Variants in MPDZ observed in about 807,000 individuals in gnomAD.
MPDZ encodes the protein multiple PDZ domain protein.
A neutral mutation model predicts 239.1 loss-of-function variants in MPDZ; 234 were observed. The observed-to-expected ratio is 0.98, with a 90% CI of 0.88 to 1.09. The LOEUF is 1.09. Among genes scored for constraint, MPDZ ranks in the 50% least tolerant of loss-of-function variants. The pLI, the probability that MPDZ is intolerant of heterozygous loss-of-function variation, is 0.00. For missense variants in MPDZ, 3,175 were observed against 2,510.0 expected (o/e 1.26, Z -5.66); for synonymous variants, 1,048 against 881.3 (o/e 1.19, Z -3.35).
intron 22 of MPDZ, among the ~76,000 whole-genome samples, chr9:13,167,387 A>G (rs1001687764): frequency 1.3e-5 from 2 of 152,126 alleles, no homozygotes; most frequent in African/African-American, 4.8e-5. Flanking sequence ...TACTTTTTAT[A>G]TAAGACAGCG....
At chr9:13,256,881 T>C (rs185593329) in intron 1 of MPDZ, among the ~76,000 whole-genome samples, 2 of 152,170 alleles carry the variant, frequency 1.3e-5, no homozygotes, top group East Asian at 1.9e-4. Context: ...CCATAAACCA[T>C]CAATTTATTT....
intron 34 of MPDZ, among the ~76,000 whole-genome samples, chr9:13,125,993 A>G (rs1417871509): frequency 6.6e-6 from 1 of 152,216 alleles, no homozygotes; most frequent in Non-Finnish European, 1.5e-5. Flanking sequence ...AAGAAAAAGC[A>G]TACCATATTT....
chr9:13,111,494 A>C (rs933231423), intron 43 of MPDZ, among the ~76,000 whole-genome samples: 1 of 152,148 alleles, frequency 6.6e-6, no homozygotes, highest in Non-Finnish European at 1.5e-5. Flanking sequence ...TATTCATGTA[A>C]TTTTTAGAGC....
intron 22 of MPDZ, 30 bp downstream of exon 22, chr9:13,168,335 CA>C (rs1447810688): frequency 6.3e-7 from 1 of 1,584,218 alleles, no homozygotes; most frequent in African/African-American, 1.4e-5. Context: ...CTGAATTTCC[CA>C]AGTTAAACTG....
In MPDZ at chr9:13,109,989, C is replaced by T. The variant is rs1371903422; in HGVS notation, c.5905G>A (p.Gly1969Arg). The stretch of plus-strand genomic sequence containing the variant: ...TGAAATATACTGCTTGACGTCAGCC[C>T]AGTGAAAGAAAGACTGGAACTTGCA... Reference protein sequence around the residue: ...EPASSSLSFTGLTSSSIFQDD... With the variant: ...EPASSSLSFTRLTSSSIFQDD... Residue 1969 changes from glycine (G) to arginine (R), a missense_variant, in exon 45 of 47, where the codon GGG becomes AGG. Transcript: ENST00000319217. The T allele has an allele frequency of 6.2e-7, 1 of 1,613,194 alleles. No individual in the cohort carries two copies. Among genetic ancestry groups the T allele is most frequent in the Non-Finnish European group, 8.5e-7 (1 of 1,179,728 alleles).
intron 30 of MPDZ, 61 bp downstream of exon 30, chr9:13,136,651 G>C: frequency 9.2e-7 from 1 of 1,084,720 alleles, no homozygotes; most frequent in Non-Finnish European, 1.4e-6. Flanking sequence ...TCATTCAAAA[G>C]AACTCAGAGA....
rs767415026 is a variant in MPDZ at position 13,222,464 on chromosome 9, G to C, written c.534-18C>G. ...TTCCATCTCTATCAAGGATGCAAAA[G>C]GGGATAAAAGACAATCTGAGAGTTC... On this transcript the variant is annotated intron_variant, in intron 5 of 46. Transcript: ENST00000319217. 2 of 1,587,022 alleles carry C rather than the reference G, an allele frequency of 1.3e-6. No individual in the cohort carries two copies. Among genetic ancestry groups the C allele is most frequent in the Admixed American group, 3.3e-5 (2 of 59,744 alleles).
At chr9:13,166,830 G>A (rs1951146218) in intron 22 of MPDZ, among the ~76,000 whole-genome samples, 1 of 152,072 alleles carries the variant, frequency 6.6e-6, no homozygotes, top group Admixed American at 6.6e-5. Flanking sequence ...AAGACTTTGA[G>A]CCTGAAAATG....
intron 1 of MPDZ, chr9:13,274,434 G>A (rs558842212): frequency 6.6e-6 from 1 of 151,680 alleles, no homozygotes; most frequent in South Asian, 2.1e-4. Context: ...CTAAAAAGTG[G>A]ATAAAGATAA....
At chr9:13,186,849 C>G (rs892159581) in intron 17 of MPDZ, among the ~76,000 whole-genome samples, 1 of 152,068 alleles carries the variant, frequency 6.6e-6, no homozygotes, top group Non-Finnish European at 1.5e-5. Context: ...TCATCCCTTA[C>G]AAGAATATTA....
rs537606135 is a variant in MPDZ, at chr9:13,266,850, A to G, written c.-58+12550T>C. On this transcript the variant is annotated intron_variant, in intron 1 of 46. Coordinates refer to ENST00000319217, the MANE Select transcript of MPDZ (RefSeq NM_001378778.1). ...TTGGGGGCAGAGAAAGAGAAGGAGGAGGAAGGAATTAAGAAGGACAAAGGC... is the reference window on the plus strand; with the variant it reads ...TTGGGGGCAGAGAAAGAGAAGGAGGGGGAAGGAATTAAGAAGGACAAAGGC... Among the ~76,000 whole-genome samples the G allele has an allele frequency of 1.6e-3, 244 of 152,302 alleles. 2 individuals carry two copies. Among genetic ancestry groups the G allele is most frequent in the African/African-American group, 5.4e-3 (223 of 41,568 alleles).
intron 21 of MPDZ, among the ~76,000 whole-genome samples, chr9:13,174,673 A>G (rs530808393): frequency 6.6e-6 from 1 of 152,352 alleles, no homozygotes; most frequent in Admixed American, 6.5e-5. Context: ...AAATTAGCCA[A>G]TGAAATAATT....
At chr9:13,274,138 T>A (rs949142581) in intron 1 of MPDZ, among the ~76,000 whole-genome samples, 3 of 152,194 alleles carry the variant, frequency 2.0e-5, no homozygotes, top group Non-Finnish European at 2.9e-5. Flanking sequence ...CGTCTTCTTT[T>A]CACTTGTATC....
Position 13,217,202 on chromosome 9 carries a change from G to A in MPDZ, c.1179C>T (p.Gly393=). Residue 393 remains glycine, a synonymous_variant, in exon 9 of 47, where the codon GGC becomes GGT. Coordinates refer to ENST00000319217, the MANE Select transcript of MPDZ (RefSeq NM_001378778.1). ...TACCCAATTTTTTATCTCCAATGTA[G>A]CCAGCAATGGTAATTCCTAATCCTT... ...NVQGLGITIA[G]YIGDKKLEPS... 2.5e-6 allele frequency: 4 copies of A among 1,592,936 alleles called. No homozygotes were observed. Among genetic ancestry groups the A allele is most frequent in the Non-Finnish European group, 3.4e-6 (4 of 1,170,220 alleles).
At chr9:13,257,034 G>C (rs1173884033) in intron 1 of MPDZ, among the ~76,000 whole-genome samples, 1 of 152,138 alleles carries the variant, frequency 6.6e-6, no homozygotes, top group African/African-American at 2.4e-5. Flanking sequence ...TCCAAGGCGT[G>C]GGACAACTGT....
intron 10 of MPDZ, 39 bp downstream of exon 10, chr9:13,216,735 A>G (rs1307921744): frequency 7.0e-7 from 1 of 1,435,564 alleles, no homozygotes; most frequent in Non-Finnish European, 9.7e-7. Context: ...ATTCTCAACC[A>G]TGAAAATTAA....
intron 8 of MPDZ, among the ~76,000 whole-genome samples, chr9:13,218,047 C>T (rs1045729029): frequency 2.0e-5 from 3 of 151,770 alleles, no homozygotes; most frequent in African/African-American, 7.2e-5. Context: ...TACAGAGAAC[C>T]TTAAGAAGAG....
Position 13,113,931 on chromosome 9 carries a change from A to C in MPDZ, c.5557T>G (p.Leu1853Val). The C allele has an allele frequency of 6.3e-7, 1 of 1,583,258 alleles. No homozygotes were observed. Among genetic ancestry groups the C allele is most frequent in the Non-Finnish European group, 8.6e-7 (1 of 1,163,040 alleles). The change falls in exon 41 of 47, where the codon TTG becomes GTG. Residue 1853 changes from leucine to valine, a missense_variant and splice_region_variant. Physicochemically the swap from Leu to Val is conservative, Grantham distance 32 (BLOSUM62 1). Transcript: ENST00000319217. Reference sequence around the variant, plus strand: ...GTTTAAAATACTGAACCAATCTTACATGCATTCTTCTTTGAGCTACTTTCC... The same window carrying C: ...GTTTAAAATACTGAACCAATCTTACCTGCATTCTTCTTTGAGCTACTTTCC... ...SLESSSKKNA[L>V]ASEIQGLRTV... is the part of the protein sequence containing the mutation.
intron 1 of MPDZ, among the ~76,000 whole-genome samples, chr9:13,265,362 G>C (rs577630252): frequency 6.6e-6 from 1 of 152,156 alleles, no homozygotes; most frequent in African/African-American, 2.4e-5. Context: ...CTGAGGTCGG[G>C]AGTTCAAGAA....
Sources: allele counts gnomAD v4.1 joint callset (sites outside exome capture counted in the v4.1 genomes callset), GRCh38; gene constraint gnomAD v4.1.1; transcripts MANE v1.5; gene names NCBI Gene and HGNC (gene_info 2026-07-23, HGNC 2026-07-21).